The following XKR4 variants were observed in gnomAD, a reference collection of about 807,000 sequenced individuals.
XKR4 encodes XK-related protein 4.
Under a neutral mutation model 53.9 loss-of-function variants are expected in XKR4, and 12 were observed. The observed-to-expected ratio is 0.22, with a 90% CI of 0.14 to 0.36. The LOEUF is 0.36. Ranked by LOEUF, XKR4 falls within the 10% of genes least tolerant of loss-of-function variation. The probability of loss-of-function intolerance (pLI) is 1.00; values close to 1 mark genes in which losing one functional copy is unlikely to be tolerated. For missense variants in XKR4, 799 were observed against 859.5 expected (o/e 0.93, Z 0.88); for synonymous variants, 354 against 362.4 (o/e 0.98, Z 0.26).
chr8:55,362,618 G>T (rs1484154170), intron 2 of XKR4, among the ~76,000 whole-genome samples: 1 of 152,176 alleles, frequency 6.6e-6, no homozygotes, highest in Non-Finnish European at 1.5e-5. Flanking sequence ...TCTAAATGAC[G>T]CCAGCAAAGG....
At chr8:55,489,391 G>T (rs1219887985) in intron 2 of XKR4, among the ~76,000 whole-genome samples, 2 of 151,916 alleles carry the variant, frequency 1.3e-5, no homozygotes, top group East Asian at 3.9e-4. Context: ...TGTCAATTTT[G>T]CTACAAAAGA....
At chr8:55,432,029 A>C (rs569358813) in intron 2 of XKR4, among the ~76,000 whole-genome samples, 1 of 152,138 alleles carries the variant, frequency 6.6e-6, no homozygotes, top group East Asian at 1.9e-4. Context: ...TAATCCAATC[A>C]TGCTCACATA....
intron 1 of XKR4, among the ~76,000 whole-genome samples, chr8:55,352,827 G>A (rs1198846352): frequency 6.6e-6 from 1 of 152,192 alleles, no homozygotes; most frequent in Non-Finnish European, 1.5e-5. Flanking sequence ...AGTAAAGGGA[G>A]AGGAAAAGAA....
At chr8:55,237,973 AGAAG>A (rs965353560) in intron 1 of XKR4, among the ~76,000 whole-genome samples, 204 of 152,188 alleles carry the variant, frequency 1.3e-3, no homozygotes, top group African/African-American at 4.7e-3. Context: ...AGAGAGAGAA[AGAAG>A]GAAGGAAGGA....
At chr8:55,435,664 G>T (rs1279938381) in intron 2 of XKR4, among the ~76,000 whole-genome samples, 1 of 149,606 alleles carries the variant, frequency 6.7e-6, no homozygotes, top group African/African-American at 2.5e-5. Flanking sequence ...CAACCTCCCG[G>T]GCTCAAGCAA....
chr8:55,219,230 G>C (rs2129365051), intron 1 of XKR4, among the ~76,000 whole-genome samples: 1 of 152,322 alleles, frequency 6.6e-6, no homozygotes, highest in Middle Eastern at 3.4e-3. Flanking sequence ...GGGCCCTTAA[G>C]TAGTAAATGA....
intron 1 of XKR4, among the ~76,000 whole-genome samples, chr8:55,120,128 G>A (rs1278567853): frequency 1.3e-5 from 2 of 152,154 alleles, no homozygotes; most frequent in African/African-American, 4.8e-5. Flanking sequence ...GAAATTTCTC[G>A]ACAGAAGTTA....
chr8:55,148,231 C>A (rs1385026013), intron 1 of XKR4, among the ~76,000 whole-genome samples: 1 of 152,006 alleles, frequency 6.6e-6, no homozygotes, highest in East Asian at 1.9e-4. Flanking sequence ...ATGGTGTAAC[C>A]CCGTCTCTAC....
intron 2 of XKR4, among the ~76,000 whole-genome samples, chr8:55,496,850 G>C (rs74830126): frequency 0.012 from 1,783 of 152,242 alleles, 30 homozygotes; most frequent in African/African-American, 0.041. Context: ...TCATTAGAAA[G>C]TACCATTTAA....
intron 2 of XKR4, among the ~76,000 whole-genome samples, chr8:55,429,857 G>A (rs1362101040): frequency 6.6e-6 from 1 of 152,126 alleles, no homozygotes; most frequent in Non-Finnish European, 1.5e-5. Context: ...CTATACTACA[G>A]ACTGGGAGAA....
At chr8:55,206,242 C>G (rs1161758600) in intron 1 of XKR4, among the ~76,000 whole-genome samples, 1 of 152,174 alleles carries the variant, frequency 6.6e-6, no homozygotes, top group Non-Finnish European at 1.5e-5. Flanking sequence ...GCTTTTATTC[C>G]CTTATTTGGC....
Position 55,523,988 on chromosome 8 carries a change from G to C in XKR4, c.1714G>C (p.Val572Leu). 1 of 1,614,172 alleles carries C rather than the reference G, an allele frequency of 6.2e-7. No individual in the cohort carries two copies. The highest frequency in any genetic ancestry group is 8.5e-7 in the Non-Finnish European group (1 of 1,180,038). Residue 572 changes from valine (V) to leucine (L), a missense_variant, in exon 3 of 3, where the codon GTC becomes CTC. Physicochemically the swap from Val to Leu is conservative, Grantham distance 32. Transcript: ENST00000327381. ...KFAERDGCVP[V>L]FQVRPTAPST... ...CGCAGAGCGGGATGGGTGTGTACCT[G>C]TCTTTCAAGTGAGGCCCACTGCCCC...
intron 1 of XKR4, among the ~76,000 whole-genome samples, chr8:55,247,404 A>C (rs879874599): frequency 1.3e-5 from 2 of 152,182 alleles, no homozygotes; most frequent in Non-Finnish European, 2.9e-5. Context: ...TGGTTTTCAA[A>C]GTACTTGTAT....
chr8:55,339,002 C>T (rs1360378717), intron 1 of XKR4, among the ~76,000 whole-genome samples: 1 of 152,086 alleles, frequency 6.6e-6, no homozygotes, highest in Non-Finnish European at 1.5e-5. Context: ...TTCTAGAAAC[C>T]AGAACTATAA....
At chr8:55,314,639 A>G (rs1819437869) in intron 1 of XKR4, among the ~76,000 whole-genome samples, 1 of 152,174 alleles carries the variant, frequency 6.6e-6, no homozygotes, top group Non-Finnish European at 1.5e-5. Context: ...TGACCACAAT[A>G]TTTGATTTTT....
At chr8:55,162,608 C>T (rs1474494928) in intron 1 of XKR4, among the ~76,000 whole-genome samples, 2 of 152,124 alleles carry the variant, frequency 1.3e-5, no homozygotes, top group African/African-American at 4.8e-5. Flanking sequence ...ATGATTGTTA[C>T]TTTTAAAGCC....
At chr8:55,201,425 A>G (rs1267088084) in intron 1 of XKR4, among the ~76,000 whole-genome samples, 1 of 152,200 alleles carries the variant, frequency 6.6e-6, no homozygotes, top group Non-Finnish European at 1.5e-5. Context: ...TGTTATATTT[A>G]TATATCCCTG....
chr8:55,477,497 G>A (rs113984968), intron 2 of XKR4, among the ~76,000 whole-genome samples: 51,259 of 152,028 alleles, frequency 0.34, 10,403 homozygotes, highest in African/African-American at 0.58. Context: ...AAAGCAGAGC[G>A]CCTCTCTTCC....
Position 55,102,303 on chromosome 8 carries a change from G to T in XKR4, c.-186G>T. 5 of 809,534 alleles carry T rather than the reference G, an allele frequency of 6.2e-6. No homozygotes were observed. The highest frequency in any genetic ancestry group is 5.2e-5 in the South Asian group (1 of 19,158). The allele number at this position is 809,534 out of a possible 1,614,324, so 50.1% of individuals were successfully genotyped here. A position where few individuals can be genotyped will look rare whatever the true frequency, so the allele number is the denominator to read the frequency against. Reference sequence around the variant, plus strand: ...CGGCCCCAGGCGCGCCGCTAGCCCGGCCCAGCGCCCAGCCCGGCGGGCGGC... The same window carrying T: ...CGGCCCCAGGCGCGCCGCTAGCCCGTCCCAGCGCCCAGCCCGGCGGGCGGC... On this transcript the variant is annotated 5_prime_UTR_variant, in exon 1 of 3. Coordinates refer to ENST00000327381, the MANE Select transcript of XKR4 (RefSeq NM_052898.2). This position sits in a 1 kb window ranked among gnomAD's most constrained non-coding sequence, Gnocchi z 5.1.
Sources: gnomAD v4.1 joint callset for allele counts (sites outside exome capture counted in the v4.1 genomes callset) on GRCh38, gnomAD v4.1.1 for gene constraint, Gnocchi (gnomAD v3.1) non-coding constraint, MANE v1.5 for transcripts, NCBI Gene and HGNC (gene_info 2026-07-23, HGNC 2026-07-21) for gene names.